Variants in NTF3 observed in about 807,000 individuals in gnomAD.
NTF3 encodes neurotrophin 3, also known as neurotrophin-3.
Under a neutral mutation model 26.3 loss-of-function variants are expected in NTF3, and 8 were observed. The ratio of observed to expected loss-of-function variants is 0.30; its 90% CI spans 0.18 to 0.55. The LOEUF (loss-of-function observed/expected upper bound fraction) is 0.55. Ranked by LOEUF, NTF3 falls within the 20% of genes least tolerant of loss-of-function variation. NTF3 has a pLI of 0.93. For missense variants in NTF3, 276 were observed against 352.9 expected (o/e 0.78, Z 1.75); for synonymous variants, 154 against 145.5 (o/e 1.06, Z -0.42).
intron 1 of NTF3, among the ~76,000 whole-genome samples, chr12:5,437,818 T>C (rs898578154): frequency 2.0e-5 from 3 of 152,186 alleles, no homozygotes; most frequent in Non-Finnish European, 2.9e-5. Flanking sequence ...GCTGATAAGG[T>C]CTGTGGATGT....
chr12:5,469,988 G>A (rs773115622), intron 1 of NTF3, among the ~76,000 whole-genome samples: 20 of 152,266 alleles, frequency 1.3e-4, no homozygotes, highest in Non-Finnish European at 2.4e-4. Context: ...GCAATGGCGC[G>A]ATCTCAGCTC....
At chr12:5,471,636 G>A (rs1240945711) in intron 1 of NTF3, among the ~76,000 whole-genome samples, 2 of 151,408 alleles carry the variant, frequency 1.3e-5, no homozygotes, top group East Asian at 3.9e-4. Context: ...TCTGGATGGA[G>A]GGCAGTGAAG....
At chr12:5,445,287 GAT>G (rs1565385073) in intron 1 of NTF3, among the ~76,000 whole-genome samples, 6 of 114,424 alleles carry the variant, frequency 5.2e-5, no homozygotes, top group African/African-American at 1.0e-4. Flanking sequence ...TGGATTAAAT[GAT>G]GTGTGTGTGT....
chr12:5,489,810 C>T (rs1940911562), intron 1 of NTF3, among the ~76,000 whole-genome samples: 1 of 152,192 alleles, frequency 6.6e-6, no homozygotes, highest in East Asian at 1.9e-4. Context: ...CTGTCTACCT[C>T]AGCTTCCTTT....
chr12:5,469,319 G>A (rs1206145326), intron 1 of NTF3, among the ~76,000 whole-genome samples: 3 of 152,102 alleles, frequency 2.0e-5, no homozygotes, highest in Non-Finnish European at 2.9e-5. Flanking sequence ...AGCCATTTTC[G>A]CAACCAGCAG....
chr12:5,447,165 C>G (rs774584452), intron 1 of NTF3, among the ~76,000 whole-genome samples: 3 of 152,198 alleles, frequency 2.0e-5, no homozygotes, highest in Admixed American at 6.5e-5. Flanking sequence ...TACAGCATCA[C>G]CTTCAGCTAT....
chr12:5,486,878 G>A (rs975666394), intron 1 of NTF3, among the ~76,000 whole-genome samples: 1 of 122,352 alleles, frequency 8.2e-6, no homozygotes, highest in Non-Finnish European at 1.7e-5. Context: ...AGGTAGTTAC[G>A]TGGTGTGTGT....
chr12:5,477,358 A>G (rs1241612781), intron 1 of NTF3, among the ~76,000 whole-genome samples: 1 of 152,244 alleles, frequency 6.6e-6, no homozygotes, highest in Non-Finnish European at 1.5e-5. Flanking sequence ...AAAAGCCCTG[A>G]AAACCCAGAG....
intron 1 of NTF3, among the ~76,000 whole-genome samples, chr12:5,447,135 A>G (rs1225144118): frequency 6.6e-6 from 1 of 152,146 alleles, no homozygotes; most frequent in Non-Finnish European, 1.5e-5. Flanking sequence ...TGCCACCATC[A>G]CCCCATCCCA....
rs373809531 is a variant in NTF3, at chr12:5,446,775, C to T, written c.18+14433C>T. On this transcript the variant is annotated intron_variant, in intron 1 of 1. Coordinates refer to ENST00000423158, the MANE Select transcript of NTF3 (RefSeq NM_001102654.2). Reference sequence around the variant, plus strand: ...TGTATGCTGTCAGGCATGCTGGAGCCGGATGTCTAGCACCCATTGCTAAGT... The same window carrying T: ...TGTATGCTGTCAGGCATGCTGGAGCTGGATGTCTAGCACCCATTGCTAAGT... Among the ~76,000 whole-genome samples, 49 of 152,322 alleles carry T rather than the reference C, an allele frequency of 3.2e-4. No homozygotes were observed. The South Asian group carries it at 9.3e-3, about 29-fold the overall frequency.
intron 1 of NTF3, among the ~76,000 whole-genome samples, chr12:5,438,197 C>A (rs1940196078): frequency 6.6e-6 from 1 of 151,886 alleles, no homozygotes; most frequent in Non-Finnish European, 1.5e-5. Flanking sequence ...ATTTTAGAAC[C>A]TGTGAGAACA....
chr12:5,462,191 A>G (rs1416296267), intron 1 of NTF3, among the ~76,000 whole-genome samples: 1 of 139,338 alleles, frequency 7.2e-6, no homozygotes. Flanking sequence ...CTAATCAATC[A>G]CAGCACTCTC....
intron 1 of NTF3, among the ~76,000 whole-genome samples, chr12:5,466,710 T>C (rs939384256): frequency 6.6e-6 from 1 of 152,238 alleles, no homozygotes; most frequent in African/African-American, 2.4e-5. Flanking sequence ...CTGAGTAGAA[T>C]TTCCTGTTCA....
At chr12:5,459,759 C>T (rs917882705) in intron 1 of NTF3, among the ~76,000 whole-genome samples, 4 of 152,142 alleles carry the variant, frequency 2.6e-5, no homozygotes, top group Admixed American at 1.3e-4. Context: ...CGAGGGGCTG[C>T]GTTCCTTCAA....
At chr12:5,441,619 T>C (rs1940237627) in intron 1 of NTF3, among the ~76,000 whole-genome samples, 1 of 152,198 alleles carries the variant, frequency 6.6e-6, no homozygotes, top group Non-Finnish European at 1.5e-5. Flanking sequence ...AAGGGATCTG[T>C]TGTTTTCATT....
intron 1 of NTF3, among the ~76,000 whole-genome samples, chr12:5,488,375 C>T (rs1321538707): frequency 1.3e-5 from 2 of 152,146 alleles, no homozygotes; most frequent in African/African-American, 4.8e-5. Context: ...ATTAATCTGC[C>T]ACTTTTTCCT....
rs1294736733 is a variant in NTF3, at chr12:5,433,112, C to T, written c.18+770C>T. ...AGAAAAGACCTCGCGCCCCGGGCTC[C>T]TCTTGGCCAGCGCCCACCCGGTGGC... On this transcript the variant is annotated intron_variant, in intron 1 of 1. Coordinates refer to ENST00000423158, the MANE Select transcript of NTF3 (RefSeq NM_001102654.2). The surrounding 1 kb of genome is among the most constrained non-coding windows in gnomAD (Gnocchi z 4.6). 6.6e-6 allele frequency: 1 copy of T among 152,342 alleles called. No homozygotes were observed. Among genetic ancestry groups the T allele is most frequent in the Non-Finnish European group, 1.5e-5 (1 of 68,144 alleles). The allele number at this position is 152,342 out of a possible 1,614,324, so 9.4% of individuals were successfully genotyped here.
chr12:5,457,220 G>A (rs931588594), intron 1 of NTF3, among the ~76,000 whole-genome samples: 7 of 152,190 alleles, frequency 4.6e-5, no homozygotes, highest in African/African-American at 7.2e-5. Context: ...GGAAGTTTCG[G>A]GGTTCTGTGA....
At chr12:5,482,750 TCTC>T (rs923063084) in intron 1 of NTF3, among the ~76,000 whole-genome samples, 1 of 151,536 alleles carries the variant, frequency 6.6e-6, no homozygotes, top group African/African-American at 2.4e-5. Context: ...TCCGTGTCTC[TCTC>T]CTCTCTTCTG....
Sources: gnomAD v4.1 joint callset for allele counts (sites outside exome capture counted in the v4.1 genomes callset) on GRCh38, gnomAD v4.1.1 for gene constraint, Gnocchi (gnomAD v3.1) non-coding constraint, MANE v1.5 for transcripts, NCBI Gene and HGNC (gene_info 2026-07-23, HGNC 2026-07-21) for gene names.